The following ITGB6 variants were observed in gnomAD, a reference collection of about 807,000 sequenced individuals.
The protein encoded by ITGB6 is integrin beta-6.
ITGB6 carries 80 observed loss-of-function variants against 84.5 expected under a neutral mutation model. The observed-to-expected ratio is 0.95, with a 90% CI of 0.79 to 1.14. The LOEUF (loss-of-function observed/expected upper bound fraction) is 1.14, where lower values mean the gene tolerates loss of function less well. Ranked by LOEUF, ITGB6 falls within the 50% of genes most tolerant of loss-of-function variation. The pLI is 0.00. For missense variants in ITGB6, 1,006 were observed against 968.0 expected (o/e 1.04, Z -0.52); for synonymous variants, 383 against 354.9 (o/e 1.08, Z -0.89).
chr2:160,119,976 C>T (rs1029905002), intron 12 of ITGB6, among the ~76,000 whole-genome samples: 29 of 152,004 alleles, frequency 1.9e-4, no homozygotes, highest in African/African-American at 2.7e-4. Flanking sequence ...GATACCATCT[C>T]ACACCAGTTA....
chr2:160,149,004 A>T (rs1313431628), intron 7 of ITGB6, among the ~76,000 whole-genome samples: 1 of 152,244 alleles, frequency 6.6e-6, no homozygotes, highest in Non-Finnish European at 1.5e-5. Flanking sequence ...TCTAGACTCC[A>T]CCACTGTAGG....
chr2:160,156,628 A>G (rs533996239), intron 7 of ITGB6, among the ~76,000 whole-genome samples: 1 of 152,350 alleles, frequency 6.6e-6, no homozygotes, highest in Admixed American at 6.5e-5. Flanking sequence ...GCTAACCGTT[A>G]GACCTCACAG....
At chr2:160,182,440 G>A (rs1685716990) in intron 4 of ITGB6, among the ~76,000 whole-genome samples, 1 of 152,166 alleles carries the variant, frequency 6.6e-6, no homozygotes, top group Admixed American at 6.6e-5. Context: ...GACAAGATTA[G>A]AGAAAAAGAA....
chr2:160,172,698 G>C lies in ITGB6; in HGVS notation c.792C>G (p.His264Gln), dbSNP rs777609172. The C allele has an allele frequency of 6.2e-7, 1 of 1,603,170 alleles. No homozygotes were observed. Among genetic ancestry groups the C allele is most frequent in the Non-Finnish European group, 8.5e-7 (1 of 1,170,742 alleles). ...CAGCATCACTCACAAAGACCAGGAGGTGGAGGGAGTCATTCCGCCAGCCAA... is the reference window on the plus strand; with the variant it reads ...CAGCATCACTCACAAAGACCAGGAGCTGGAGGGAGTCATTCCGCCAGCCAA... ...EKIGWRNDSL[H>Q]LLVFVSDADS... The change falls in exon 6 of 15, where the codon CAC becomes CAG. Residue 264 changes from histidine (H) to glutamine (Q), a missense_variant. Coordinates refer to ENST00000283249, the MANE Select transcript of ITGB6 (RefSeq NM_000888.5).
At chr2:160,176,439 T>A (rs1407770205) in intron 4 of ITGB6, among the ~76,000 whole-genome samples, 1 of 152,224 alleles carries the variant, frequency 6.6e-6, no homozygotes, top group Non-Finnish European at 1.5e-5. Context: ...CCAGGTAATT[T>A]TTAAATTTCC....
intron 10 of ITGB6, among the ~76,000 whole-genome samples, chr2:160,129,916 ATGTG>A (rs201925614): frequency 9.2e-5 from 14 of 151,892 alleles, no homozygotes; most frequent in Admixed American, 8.5e-4. Context: ...GTATATATAT[ATGTG>A]TGTGTGTATA....
At chr2:160,167,394 C>T (rs1208102536) in intron 7 of ITGB6, among the ~76,000 whole-genome samples, 4 of 152,100 alleles carry the variant, frequency 2.6e-5, no homozygotes, top group African/African-American at 9.7e-5. Context: ...ATGATGAGCC[C>T]ATCAAAATAA....
Position 160,195,424 on chromosome 2 carries a change from T to A in ITGB6, c.538A>T (p.Lys180Ter). The A allele has an allele frequency of 1.9e-6, 3 of 1,614,216 alleles. No individual in the cohort carries two copies. Among genetic ancestry groups the A allele is most frequent in the Non-Finnish European group, 1.7e-6 (2 of 1,180,018 alleles). Residue 180 changes from lysine to a stop codon, truncating the protein, a stop_gained, in exon 4 of 15, where the codon AAA becomes TAA. Transcript: ENST00000283249. LOFTEE classifies it high-confidence loss of function. ...GTTTTCACAAAAGGGGATACAGGTT[T>A]TTCCACAAAAGATCCGAAGCCCAGT... ...FRLGFGSFVEKPVSPFVKTTP... is the reference protein window; with the variant it reads ...FRLGFGSFVE
intron 12 of ITGB6, among the ~76,000 whole-genome samples, chr2:160,116,431 G>A (rs2105786319): frequency 6.6e-6 from 1 of 151,904 alleles, no homozygotes; most frequent in South Asian, 2.1e-4. Context: ...AAGTGAAGGA[G>A]AAATAAAATA....
intron 6 of ITGB6, 31 bp from the exon 7 acceptor site, chr2:160,169,338 C>T (rs371512275): frequency 3.3e-6 from 4 of 1,207,858 alleles, no homozygotes; most frequent in Non-Finnish European, 4.8e-6. Context: ...TTTGCATCAT[C>T]TCAATAAAAT....
rs755036686 is a variant in ITGB6 at position 160,195,439 on chromosome 2, C to T, written c.523G>A (p.Gly175Arg). ...GATACAGGTTTTTCCACAAAAGATC[C>T]GAAGCCCAGTCTAAAGTTGCTGGTT... ...KLTSNFRLGFGSFVEKPVSPF... is the reference protein window; with the variant it reads ...KLTSNFRLGFRSFVEKPVSPF... Residue 175 changes from glycine to arginine, a missense_variant, in exon 4 of 15, where the codon GGA (glycine) becomes AGA (arginine). Physicochemically the swap from Gly to Arg is moderately radical, Grantham distance 125. Transcript: ENST00000283249. 25 of 1,614,034 alleles carry T rather than the reference C, an allele frequency of 1.5e-5. No homozygotes were observed. Among genetic ancestry groups the T allele is most frequent in the South Asian group, 3.3e-5 (3 of 91,078 alleles).
rs893225609 is a variant in ITGB6 at position 160,111,940 on chromosome 2, A to G, written c.2101+140T>C. 3.8e-5 allele frequency: 32 copies of G among 841,802 alleles called. No homozygotes were observed. The African/African-American group carries it at 5.1e-4, about 13-fold the overall frequency. The allele number at this position is 841,802 out of a possible 1,614,324, so 52.1% of individuals were successfully genotyped here. A position where few individuals can be genotyped will look rare whatever the true frequency, so the allele number is the denominator to read the frequency against. Reference sequence around the variant, plus strand: ...TGAACCTTCTAACTGGCATCTTTCAATCCTTGGGAAACTTTAAGAAACTTC... The same window carrying G: ...TGAACCTTCTAACTGGCATCTTTCAGTCCTTGGGAAACTTTAAGAAACTTC... On this transcript the variant is annotated intron_variant, in intron 13 of 14. Coordinates refer to ENST00000283249, the MANE Select transcript of ITGB6 (RefSeq NM_000888.5).
rs1034689811 is a variant in ITGB6, at chr2:160,200,138, C to T, written c.-75G>A. ...GCGTTACAAGACCAACGCTGAATAT[C>T]GTTAAAGTCTTTCTTTCTTGAAGTA... On this transcript the variant is annotated 5_prime_UTR_variant, in exon 1 of 15. Transcript: ENST00000283249. The T allele has an allele frequency of 2.7e-6, 3 of 1,126,032 alleles. No individual in the cohort carries two copies. Among genetic ancestry groups the T allele is most frequent in the Admixed American group, 1.9e-5 (1 of 54,018 alleles). 69.8% of individuals were successfully genotyped at this position (1,126,032 alleles called of 1,614,324 possible).
chr2:160,113,389 G>A (rs535576122), intron 12 of ITGB6, among the ~76,000 whole-genome samples: 98 of 152,310 alleles, frequency 6.4e-4, no homozygotes, highest in African/African-American at 2.3e-3. Context: ...CATTTTGTTT[G>A]AGATGAAAAA....
chr2:160,174,142 G>A lies in ITGB6; in HGVS notation c.594-3C>T. The A allele has an allele frequency of 6.3e-7, 1 of 1,590,454 alleles. No individual in the cohort carries two copies. Among genetic ancestry groups the A allele is most frequent in the South Asian group, 1.1e-5 (1 of 87,352 alleles). On this transcript the variant is annotated splice_region_variant and splice_polypyrimidine_tract_variant and intron_variant, in intron 4 of 14. Transcript: ENST00000283249. ...GTAAACAGAAGTATGGAATACTACTGCAAAAGTAAGATGCAAAAATACTGT... is the reference window on the plus strand; with the variant it reads ...GTAAACAGAAGTATGGAATACTACTACAAAAGTAAGATGCAAAAATACTGT...
intron 13 of ITGB6, among the ~76,000 whole-genome samples, chr2:160,111,330 T>C (rs1250811899): frequency 6.6e-6 from 1 of 152,200 alleles, no homozygotes; most frequent in African/African-American, 2.4e-5. Flanking sequence ...TTGGAGAATT[T>C]TATTTTGTAA....
Position 160,196,314 on chromosome 2 carries a change from T to G in ITGB6, c.248A>C (p.Glu83Ala). The G allele has an allele frequency of 1.9e-6, 3 of 1,614,126 alleles. No individual in the cohort carries two copies. Among genetic ancestry groups the G allele is most frequent in the Non-Finnish European group, 2.5e-6 (3 of 1,179,980 alleles). ...NFIENPVSQV[E>A]ILKNKPLSVG... is the part of the protein sequence containing the mutation. Reference sequence around the variant, plus strand: ...ACTGAGAGGCTTATTTTTAAGTATTTCTACTTGGGAGACAGGGTTTTCGAT... The same window carrying G: ...ACTGAGAGGCTTATTTTTAAGTATTGCTACTTGGGAGACAGGGTTTTCGAT... Residue 83 changes from glutamate to alanine, a missense_variant, in exon 3 of 15, where the codon GAA (glutamate) becomes GCA (alanine). Coordinates refer to ENST00000283249, the MANE Select transcript of ITGB6 (RefSeq NM_000888.5).
At chr2:160,122,141 G>A (rs539328999) in intron 12 of ITGB6, among the ~76,000 whole-genome samples, 2 of 152,062 alleles carry the variant, frequency 1.3e-5, no homozygotes, top group East Asian at 3.9e-4. Flanking sequence ...TGCTTTAAAT[G>A]GTATTAGTAA....
chr2:160,104,185 G>C (rs576700449), intron 14 of ITGB6, among the ~76,000 whole-genome samples: 1 of 152,166 alleles, frequency 6.6e-6, no homozygotes, highest in Non-Finnish European at 1.5e-5. Flanking sequence ...TAGAGTAAGA[G>C]GGTAAGGTGG....
Sources: gnomAD v4.1 joint callset for allele counts (sites outside exome capture counted in the v4.1 genomes callset) on GRCh38, gnomAD v4.1.1 for gene constraint, MANE v1.5 for transcripts, NCBI Gene and HGNC (gene_info 2026-07-23, HGNC 2026-07-21) for gene names.